Variants in ARHGEF10L observed in about 807,000 individuals in gnomAD.
The protein encoded by ARHGEF10L is rho guanine nucleotide exchange factor 10-like protein.
ARHGEF10L carries 69 observed loss-of-function variants against 141.2 expected under a neutral mutation model. The observed-to-expected ratio is 0.49, with a 90% CI of 0.40 to 0.60. The LOEUF is 0.60. Ranked by LOEUF, ARHGEF10L falls within the 20% of genes least tolerant of loss-of-function variation. The pLI is 0.00. For missense variants in ARHGEF10L, 1,482 were observed against 1,734.3 expected (o/e 0.85, Z 2.58); for synonymous variants, 711 against 718.5 (o/e 0.99, Z 0.17).
rs576085488 is a variant in ARHGEF10L at position 17,555,772 on chromosome 1, C to T, written c.-44+15822C>T. 1.2e-4 allele frequency among the ~76,000 whole-genome samples: 18 copies of T among 152,304 alleles called. No individual in the cohort carries two copies. The South Asian group carries it at 3.3e-3, about 28-fold the overall frequency. ...TCAGGAGCACCATAACCATGCCCCACCTGCATCTGTTCTTGCTTCTTTCTG... is the reference window on the plus strand; with the variant it reads ...TCAGGAGCACCATAACCATGCCCCATCTGCATCTGTTCTTGCTTCTTTCTG... On this transcript the variant is annotated intron_variant, in intron 1 of 28. Transcript: ENST00000361221.
intron 7 of ARHGEF10L, among the ~76,000 whole-genome samples, chr1:17,612,736 G>A (rs550420067): frequency 6.6e-6 from 1 of 152,226 alleles, no homozygotes; most frequent in Non-Finnish European, 1.5e-5. Context: ...TGCCCTCAGA[G>A]CATTTTCCCT....
At chr1:17,676,028 GC>G in intron 26 of ARHGEF10L, among the ~76,000 whole-genome samples, 1 of 145,932 alleles carries the variant, frequency 6.9e-6, no homozygotes, top group Admixed American at 6.8e-5. Context: ...AGGTATGTGT[GC>G]AGGTATGGAT....
intron 26 of ARHGEF10L, among the ~76,000 whole-genome samples, chr1:17,675,696 G>GGGTGCACA (rs1486431869): frequency 6.9e-6 from 1 of 144,112 alleles, no homozygotes; most frequent in African/African-American, 2.6e-5. Context: ...GTACAGGTGT[G>GGGTGCACA]TTCAAGTGTA....
At chr1:17,578,297 T>C (rs2078305889) in intron 1 of ARHGEF10L, among the ~76,000 whole-genome samples, 1 of 152,188 alleles carries the variant, frequency 6.6e-6, no homozygotes, top group African/African-American at 2.4e-5. Flanking sequence ...CAAAATCCTT[T>C]GCTGAAGTAA....
Position 17,656,250 on chromosome 1 carries a change from G to T in ARHGEF10L, c.2705+148G>T. ...GGAAGGTGGGCACCAGAGCTGCCCAGTGTGGGAGCCAAAGTGTCGGGAGCG... is the reference window on the plus strand; with the variant it reads ...GGAAGGTGGGCACCAGAGCTGCCCATTGTGGGAGCCAAAGTGTCGGGAGCG... On this transcript the variant is annotated intron_variant, in intron 24 of 28. Transcript: ENST00000361221. This position sits in a 1 kb window ranked among gnomAD's most constrained non-coding sequence, Gnocchi z 4.9. The T allele has an allele frequency of 9.7e-7, 1 of 1,031,648 alleles. No individual in the cohort carries two copies. The highest frequency in any genetic ancestry group is 1.4e-6 in the Non-Finnish European group (1 of 717,032). 63.9% of individuals were successfully genotyped at this position (1,031,648 alleles called of 1,614,324 possible). A position where few individuals can be genotyped will look rare whatever the true frequency, so the allele number is the denominator to read the frequency against.
upstream of ARHGEF10L, among the ~76,000 whole-genome samples, chr1:17,536,444 A>G (rs931678048): frequency 2.0e-5 from 3 of 152,132 alleles, no homozygotes; most frequent in African/African-American, 7.2e-5. Context: ...ATCATTGCAC[A>G]CTGGCCTCAA....
chr1:17,603,613 C>T lies in ARHGEF10L; in HGVS notation c.433+22C>T. 2 of 1,591,990 alleles carry T rather than the reference C, an allele frequency of 1.3e-6. No individual in the cohort carries two copies. Among genetic ancestry groups the T allele is most frequent in the Non-Finnish European group, 1.7e-6 (2 of 1,167,460 alleles). On this transcript the variant is annotated intron_variant, in intron 6 of 28. Transcript: ENST00000361221. This position sits in a 1 kb window ranked among gnomAD's most constrained non-coding sequence, Gnocchi z 4.8. ...CCCGGTATGATGTCTGCAGTGCTTCCCTGTTTCTCTTGGGGACAGGGGAGG... is the reference window on the plus strand; with the variant it reads ...CCCGGTATGATGTCTGCAGTGCTTCTCTGTTTCTCTTGGGGACAGGGGAGG...
intron 9 of ARHGEF10L, among the ~76,000 whole-genome samples, chr1:17,617,192 G>A (rs1448060617): frequency 6.6e-6 from 1 of 152,244 alleles, no homozygotes; most frequent in Admixed American, 6.5e-5. Context: ...TAAGGATGCT[G>A]CATAAACCCC....
intron 26 of ARHGEF10L, among the ~76,000 whole-genome samples, chr1:17,677,022 G>A (rs192403974): frequency 1.3e-5 from 2 of 152,130 alleles, no homozygotes; most frequent in Admixed American, 6.5e-5. Context: ...CTCCCTGGCC[G>A]TGCTGTGTCC....
the ARHGEF10L span, among the ~76,000 whole-genome samples, chr1:17,525,955 T>G: frequency 7.2e-6 from 1 of 138,106 alleles, no homozygotes; most frequent in East Asian, 2.1e-4. Context: ...TGAGCTGAGA[T>G]CCCACCACTG....
At chr1:17,618,252 AGC>A in intron 9 of ARHGEF10L, 1 of 1,356,322 alleles carries the variant, frequency 7.4e-7, no homozygotes, top group East Asian at 3.0e-5. Flanking sequence ...GGCTCTCCTC[AGC>A]CCTCCCCACC....
At chr1:17,690,335 C>T (rs894613941) in intron 27 of ARHGEF10L, among the ~76,000 whole-genome samples, 1 of 152,248 alleles carries the variant, frequency 6.6e-6, no homozygotes, top group Non-Finnish European at 1.5e-5. Flanking sequence ...ACCAGCTTCC[C>T]ATCCTCGGTC....
At chr1:17,527,642 G>GCT in the ARHGEF10L span, among the ~76,000 whole-genome samples, 2 of 151,886 alleles carry the variant, frequency 1.3e-5, no homozygotes, top group African/African-American at 2.4e-5. Context: ...TCTTTACTGA[G>GCT]CTCTCTCAAA....
At chr1:17,645,344 G>T (rs1414280202) in intron 21 of ARHGEF10L, among the ~76,000 whole-genome samples, 1 of 152,174 alleles carries the variant, frequency 6.6e-6, no homozygotes, top group African/African-American at 2.4e-5. Flanking sequence ...CGCAGGCAGG[G>T]AAGGCACCAT....
intron 23 of ARHGEF10L, 49 bp from the exon 24 acceptor site, chr1:17,655,830 T>A: frequency 6.6e-7 from 1 of 1,515,302 alleles, no homozygotes; most frequent in Non-Finnish European, 8.9e-7. Flanking sequence ...CCTCCTCTGC[T>A]CCCTCCTGTG....
rs1027054503 is a variant in ARHGEF10L at position 17,650,929 on chromosome 1, G to A, written c.2394+2254G>A. Among the ~76,000 whole-genome samples, 10 of 152,224 alleles carry A rather than the reference G, an allele frequency of 6.6e-5. No homozygotes were observed. In the East Asian group the frequency reaches 1.7e-3, roughly 26 times the overall value. On this transcript the variant is annotated intron_variant, in intron 22 of 28. Coordinates refer to ENST00000361221, the MANE Select transcript of ARHGEF10L (RefSeq NM_018125.4). ...TTAAGATAAATACTATTTTAATGCA[G>A]TGCGTAAATATAATCAAATCAGCAA... is the stretch of plus-strand genomic sequence containing the variant.
the ARHGEF10L span, among the ~76,000 whole-genome samples, chr1:17,529,824 CTTTTTT>C: frequency 3.0e-5 from 2 of 67,158 alleles, no homozygotes; most frequent in Admixed American, 4.1e-4. Context: ...ACACATCAGT[CTTTTTT>C]TTTTTTTTTT....
intron 4 of ARHGEF10L, among the ~76,000 whole-genome samples, chr1:17,596,658 C>G (rs779433310): frequency 6.6e-6 from 1 of 152,156 alleles, no homozygotes; most frequent in Non-Finnish European, 1.5e-5. Flanking sequence ...GGGAAGGGAC[C>G]CTTGGAGGTT....
rs1571420321 is a variant in ARHGEF10L, at chr1:17,670,752, C to A, written c.3009+6157C>A. 2.0e-5 allele frequency among the ~76,000 whole-genome samples: 3 copies of A among 152,358 alleles called. No homozygotes were observed. In the East Asian group the frequency reaches 5.8e-4, roughly 29 times the overall value. The stretch of plus-strand genomic sequence containing the variant: ...GGATCTCCGCAACGCTGAGGAGTGA[C>A]CCGCTGGGCCCATTTTACAGATGGG... On this transcript the variant is annotated intron_variant, in intron 26 of 28. Coordinates refer to ENST00000361221, the MANE Select transcript of ARHGEF10L (RefSeq NM_018125.4).
Sources: gnomAD v4.1 joint callset for allele counts (sites outside exome capture counted in the v4.1 genomes callset) on GRCh38, gnomAD v4.1.1 for gene constraint, Gnocchi (gnomAD v3.1) non-coding constraint, MANE v1.5 for transcripts, NCBI Gene and HGNC (gene_info 2026-07-23, HGNC 2026-07-21) for gene names.